TRNT1: variants seen among roughly 807,000 people sequenced by gnomAD.
The protein encoded by TRNT1 is CCA tRNA nucleotidyltransferase 1, mitochondrial.
A neutral mutation model predicts 45.6 loss-of-function variants in TRNT1; 44 were observed. The ratio of observed to expected loss-of-function variants is 0.97; its 90% CI spans 0.76 to 1.24. The LOEUF (loss-of-function observed/expected upper bound fraction) is 1.24, where lower values mean the gene tolerates loss of function less well. Ranked by LOEUF, TRNT1 falls within the 50% of genes most tolerant of loss-of-function variation. The probability of loss-of-function intolerance (pLI) is 0.00; values close to 1 mark genes in which losing one functional copy is unlikely to be tolerated. For synonymous variants in TRNT1, 201 were observed against 171.4 expected (o/e 1.17, Z -1.35); for missense variants, 633 against 504.4 (o/e 1.25, Z -2.44).
At chr3:3,139,255 A>G (rs1187726546) in intron 3 of TRNT1, among the ~76,000 whole-genome samples, 2 of 152,150 alleles carry the variant, frequency 1.3e-5, no homozygotes, top group Non-Finnish European at 2.9e-5. Flanking sequence ...ATGAGTTGCA[A>G]ACAGTTTTCC....
rs1394519464 is a variant in TRNT1 at position 3,144,636 on chromosome 3, TAAG to T, written c.537_539del (p.Lys180del). The T allele has an allele frequency of 1.3e-6, 2 of 1,586,166 alleles. No individual in the cohort carries two copies. The highest frequency in any genetic ancestry group is 1.7e-6 in the Non-Finnish European group (2 of 1,159,484). On this transcript the variant is annotated inframe_deletion, in exon 5 of 8. Coordinates refer to ENST00000251607, the MANE Select transcript of TRNT1 (RefSeq NM_182916.3). ...TTAATGGTTATGAAGATTTAAAAAATAAGAAAGTTAGATTTGTTGGACATGCTA... is the reference window on the plus strand; with the variant it reads ...TTAATGGTTATGAAGATTTAAAAAATAAAGTTAGATTTGTTGGACATGCTA...
In TRNT1 at chr3:3,129,158, CTT is replaced by C; in HGVS notation, c.121_122del (p.Phe41HisfsTer76). 1 of 1,614,162 alleles carries C rather than the reference CTT, an allele frequency of 6.2e-7. No individual in the cohort carries two copies. Among genetic ancestry groups the C allele is most frequent in the South Asian group, 1.1e-5 (1 of 91,088 alleles). ...MKLQSPEFQS[L>X]FTEGLKSLTE... The stretch of plus-strand genomic sequence containing the variant: ...GTTGCAGTCTCCCGAATTCCAGTCA[CTT>C]TTCACAGAAGGACTGAAGAGTCTGA... On this transcript the variant is annotated frameshift_variant, in exon 2 of 8. Coordinates refer to ENST00000251607, the MANE Select transcript of TRNT1 (RefSeq NM_182916.3). LOFTEE classifies it high-confidence loss of function.
intron 5 of TRNT1, among the ~76,000 whole-genome samples, chr3:3,146,090 C>A (rs1394292510): frequency 6.7e-6 from 1 of 148,266 alleles, no homozygotes; most frequent in Non-Finnish European, 1.5e-5. Context: ...TTTTTTTTTT[C>A]ATCTAGTATA....
At chr3:3,132,676 G>A (rs1356851348) in intron 2 of TRNT1, among the ~76,000 whole-genome samples, 1 of 30,124 alleles carries the variant, frequency 3.3e-5, no homozygotes, top group African/African-American at 7.2e-5. Context: ...AAAACTTAGA[G>A]TATAATAAAA....
chr3:3,142,476 C>T (rs533692647), intron 4 of TRNT1, among the ~76,000 whole-genome samples: 61 of 152,324 alleles, frequency 4.0e-4, no homozygotes, highest in South Asian at 3.5e-3. Context: ...ACATTCTTAA[C>T]CACTACATTA....
In TRNT1 at chr3:3,137,282, CGAATTAA is replaced by C; in HGVS notation, c.176_182del (p.Leu59Ter). On this transcript the variant is annotated frameshift_variant, in exon 3 of 8. Transcript: ENST00000251607. LOFTEE classifies it high-confidence loss of function. The stretch of plus-strand genomic sequence containing the variant: ...CAGAATTATTTGTCAAAGAGAATCA[CGAATTAA>C]GAATAGCAGGAGGAGCAGTGAGGGA... 1 of 1,590,832 alleles carries C rather than the reference CGAATTAA, an allele frequency of 6.3e-7. No individual in the cohort carries two copies. Among genetic ancestry groups the C allele is most frequent in the Non-Finnish European group, 8.5e-7 (1 of 1,172,340 alleles).
intron 2 of TRNT1, chr3:3,130,349 G>A (rs1407720193): frequency 5.5e-6 from 1 of 182,554 alleles, no homozygotes. Context: ...GAAGATAGAC[G>A]AACCATTACT....
At chr3:3,129,667 G>T (rs930102593) in intron 2 of TRNT1, among the ~76,000 whole-genome samples, 8 of 152,234 alleles carry the variant, frequency 5.3e-5, no homozygotes, top group Non-Finnish European at 1.0e-4. Flanking sequence ...AAGGCAAGAA[G>T]TTGACTGCAG....
At chr3:3,151,967 T>C (rs1440244251), downstream of TRNT1, among the ~76,000 whole-genome samples, 1 of 152,190 alleles carries the variant, frequency 6.6e-6, no homozygotes, top group Non-Finnish European at 1.5e-5. Flanking sequence ...TACTGGGTCA[T>C]AAGACAGCTG....
rs765612863 is a variant in TRNT1, at chr3:3,129,985, C to T, written c.148+797C>T. On this transcript the variant is annotated intron_variant, in intron 2 of 7. Coordinates refer to ENST00000251607, the MANE Select transcript of TRNT1 (RefSeq NM_182916.3). ...GGAGTTGCCTCCATTGTGCACGTTG[C>T]AAAACCTGTCTGGAAGGAGCATAGG... 1.4e-5 allele frequency: 22 copies of T among 1,549,884 alleles called. 1 individual carries two copies. Among genetic ancestry groups the T allele is most frequent in the South Asian group, 1.3e-4 (11 of 84,034 alleles).
At chr3:3,135,532 C>T (rs996394163) in intron 2 of TRNT1, among the ~76,000 whole-genome samples, 1 of 152,152 alleles carries the variant, frequency 6.6e-6, no homozygotes, top group African/African-American at 2.4e-5. Context: ...AACACTTCCC[C>T]TTGGGGAGAG....
At chr3:3,143,600 G>A (rs1705798085) in intron 4 of TRNT1, among the ~76,000 whole-genome samples, 2 of 152,196 alleles carry the variant, frequency 1.3e-5, no homozygotes, top group South Asian at 2.1e-4. Context: ...TTTACTGGCC[G>A]GGCATGGTGG....
At chr3:3,137,785 C>T (rs912172152) in intron 3 of TRNT1, among the ~76,000 whole-genome samples, 1 of 152,180 alleles carries the variant, frequency 6.6e-6, no homozygotes, top group African/African-American at 2.4e-5. Flanking sequence ...GTATAATTCT[C>T]CTTCTTCTGT....
chr3:3,127,729 A>G (rs1254450569), intron 1 of TRNT1: 1 of 152,356 alleles, frequency 6.6e-6, no homozygotes, highest in Non-Finnish European at 1.5e-5. Flanking sequence ...TTTGGAGACC[A>G]GAAACTCGGT....
At chr3:3,149,148 A>G (rs375589780), downstream of TRNT1, 9 of 152,256 alleles carry the variant, frequency 5.9e-5, no homozygotes, top group South Asian at 4.1e-4. Context: ...GACCTTGATA[A>G]AACAATTTTG....
downstream of TRNT1, chr3:3,153,333 G>A: frequency 1.3e-6 from 1 of 781,256 alleles, no homozygotes; most frequent in Non-Finnish European, 2.3e-6. Flanking sequence ...TAACTTTAAG[G>A]TACTGGAGGA....
At chr3:3,146,870 T>C (rs1488407982) in intron 6 of TRNT1, among the ~76,000 whole-genome samples, 1 of 152,150 alleles carries the variant, frequency 6.6e-6, no homozygotes, top group Non-Finnish European at 1.5e-5. Context: ...CAGCCCCTTA[T>C]CTAGTCTTTG....
chr3:3,128,500 G>A lies in TRNT1; in HGVS notation c.-27-514G>A, dbSNP rs185335307. ...TGTAATCCCTGCTACTTGGGATGCTGAGGCAGGAGAATCTCTTGAACCCAG... is the reference window on the plus strand; with the variant it reads ...TGTAATCCCTGCTACTTGGGATGCTAAGGCAGGAGAATCTCTTGAACCCAG... On this transcript the variant is annotated intron_variant, in intron 1 of 7. Coordinates refer to ENST00000251607, the MANE Select transcript of TRNT1 (RefSeq NM_182916.3). Among the ~76,000 whole-genome samples the A allele has an allele frequency of 1.9e-4, 29 of 149,452 alleles. No homozygotes were observed. In the East Asian group the frequency reaches 4.0e-3, roughly 21 times the overall value.
Position 3,129,068 on chromosome 3 carries a change from A to T in TRNT1, c.28A>T (p.Arg10Trp). The T allele has an allele frequency of 6.2e-7, 1 of 1,612,026 alleles. No homozygotes were observed. Among genetic ancestry groups the T allele is most frequent in the Non-Finnish European group, 8.5e-7 (1 of 1,178,920 alleles). Reference protein sequence around the residue: MLRCLYHWHRPVLNRRWSRL... With the variant: MLRCLYHWHWPVLNRRWSRL... ...GCTGAGGTGCCTGTATCATTGGCAC[A>T]GGCCAGTGCTGAACCGTAGGTGGAG... Residue 10 changes from arginine (R) to tryptophan (W), a missense_variant, in exon 2 of 8, where the codon AGG becomes TGG. By Grantham distance (101) the Arg-to-Trp change is moderately radical. Transcript: ENST00000251607.
Sources: allele counts gnomAD v4.1 joint callset (sites outside exome capture counted in the v4.1 genomes callset), GRCh38; gene constraint gnomAD v4.1.1; transcripts MANE v1.5; gene names NCBI Gene and HGNC (gene_info 2026-07-23, HGNC 2026-07-21).